Variants in FABP6 observed in about 807,000 individuals in gnomAD.
FABP6 encodes the protein fatty acid binding protein 6.
FABP6 carries 13 observed loss-of-function variants against 14.9 expected under a neutral mutation model. The ratio of observed to expected loss-of-function variants is 0.87; its 90% confidence interval spans 0.57 to 1.39. FABP6 has a LOEUF of 1.39. Ranked by LOEUF, FABP6 falls within the 40% of genes most tolerant of loss-of-function variation. The pLI is 0.00. For missense variants in FABP6, 161 were observed against 167.2 expected, an observed-to-expected ratio of 0.96 and a Z score of 0.20; for synonymous variants, 75 against 63.6, an observed-to-expected ratio of 1.18 and a Z score of -0.85.
upstream of FABP6, among the ~76,000 whole-genome samples, chr5:160,226,413 T>C (rs1349865751): frequency 6.6e-6 from 1 of 151,118 alleles, no homozygotes; most frequent in Non-Finnish European, 1.5e-5. Flanking sequence ...TACAGAAAAT[T>C]AGCCGGGCAT....
intron 2 of FABP6, among the ~76,000 whole-genome samples, chr5:160,202,518 C>T (rs746637529): frequency 6.6e-6 from 1 of 152,092 alleles, no homozygotes; most frequent in Non-Finnish European, 1.5e-5. Flanking sequence ...CTGGCTTGGC[C>T]GGGCGTGGTG....
At chr5:160,220,199 CA>C (rs1760101744) in intron 3 of FABP6, among the ~76,000 whole-genome samples, 1 of 152,210 alleles carries the variant, frequency 6.6e-6, no homozygotes, top group Non-Finnish European at 1.5e-5. Context: ...GTGAGAATAA[CA>C]GTAGATATCC....
At chr5:160,207,921 A>G (rs926205719) in intron 2 of FABP6, among the ~76,000 whole-genome samples, 3 of 152,000 alleles carry the variant, frequency 2.0e-5, no homozygotes, top group African/African-American at 2.4e-5. Context: ...ACGGAGTTTC[A>G]CCATGTTGGC....
intron 2 of FABP6, among the ~76,000 whole-genome samples, chr5:160,205,752 TGA>T (rs1008968476): frequency 1.3e-5 from 2 of 152,166 alleles, no homozygotes; most frequent in African/African-American, 4.8e-5. Context: ...TTCTGTAATG[TGA>T]GAGTGTGGGG....
intron 1 of FABP6, among the ~76,000 whole-genome samples, chr5:160,193,910 TG>T (rs56275841): frequency 0.058 from 8,831 of 152,312 alleles, 364 homozygotes; most frequent in Middle Eastern, 0.11. Context: ...CCTCAGCCCT[TG>T]GGCGGTCGAT....
At chr5:160,218,461 C>CTTTTTTT (rs10692189) in intron 3 of FABP6, among the ~76,000 whole-genome samples, 9 of 116,412 alleles carry the variant, frequency 7.7e-5, no homozygotes, top group Non-Finnish European at 1.2e-4. Flanking sequence ...TAGTCTTTGA[C>CTTTTTTT]TTTTTTTTTT....
intron 2 of FABP6, among the ~76,000 whole-genome samples, chr5:160,210,821 T>A (rs545771713): frequency 6.6e-6 from 1 of 152,236 alleles, no homozygotes; most frequent in Non-Finnish European, 1.5e-5. Context: ...ACGAGTGTCC[T>A]GCAGAATTAC....
chr5:160,232,120 A>G lies in FABP6; in HGVS notation c.90A>G (p.Glu30=), dbSNP rs1171986016. 1.2e-6 allele frequency: 2 copies of G among 1,613,946 alleles called. No individual in the cohort carries two copies. The highest frequency in any genetic ancestry group is 2.7e-5 in the African/African-American group (2 of 74,898). The change falls in exon 2 of 4, where the codon GAA becomes GAG. Residue 30 remains glutamate (E), a synonymous_variant. Coordinates refer to ENST00000402432, the MANE Select transcript of FABP6 (RefSeq NM_001445.3). ...KLLGISSDVI[E]KARNFKIVTE... is the part of the protein sequence containing the mutation. The stretch of plus-strand genomic sequence containing the variant: ...CAGGGATCTCCAGCGATGTAATCGA[A>G]AAGGCCCGCAACTTCAAGATCGTCA...
chr5:160,212,102 C>T lies in FABP6; in HGVS notation c.52-1634C>T, dbSNP rs534774119. On this transcript the variant is annotated intron_variant, in intron 2 of 6. Transcript: ENST00000393980. ...TCCTGGGTTCAAGCTATTCTCCTGC[C>T]TCAGCTTCCTGAGTAGCTGGGATTA... is the stretch of plus-strand genomic sequence containing the variant. Among the ~76,000 whole-genome samples, 38 of 151,838 alleles carry T rather than the reference C, an allele frequency of 2.5e-4. No individual in the cohort carries two copies. In the South Asian group the frequency reaches 7.9e-3, roughly 32 times the overall value.
intron 2 of FABP6, chr5:160,213,620 C>T: frequency 2.4e-6 from 2 of 827,626 alleles, no homozygotes; most frequent in Non-Finnish European, 4.1e-6. Context: ...GTTTCCATTG[C>T]TTGCAATTAA....
chr5:160,188,794 C>T (rs1393055668), intron 1 of FABP6, among the ~76,000 whole-genome samples: 1 of 152,198 alleles, frequency 6.6e-6, no homozygotes, highest in Non-Finnish European at 1.5e-5. Context: ...CTGCAAGGCC[C>T]CTCCCGGTTG....
At chr5:160,216,858 C>A (rs552042527) in intron 3 of FABP6, among the ~76,000 whole-genome samples, 16 of 152,154 alleles carry the variant, frequency 1.1e-4, no homozygotes, top group Non-Finnish European at 8.8e-5. Context: ...GGGTCATTCA[C>A]TAAGTACCAA....
upstream of FABP6, chr5:160,229,436 G>A (rs1760319109): frequency 3.2e-6 from 5 of 1,550,358 alleles, no homozygotes; most frequent in African/African-American, 2.7e-5. Context: ...GGGAGAAGAA[G>A]TGGGGTGACT....
intron 2 of FABP6, among the ~76,000 whole-genome samples, chr5:160,211,733 T>C (rs1759894803): frequency 6.6e-6 from 1 of 152,192 alleles, no homozygotes; most frequent in Non-Finnish European, 1.5e-5. Flanking sequence ...TCCATACGTT[T>C]CCAAAAATTT....
At chr5:160,192,876 C>T (rs181206161) in intron 1 of FABP6, among the ~76,000 whole-genome samples, 3 of 152,364 alleles carry the variant, frequency 2.0e-5, no homozygotes, top group Admixed American at 6.5e-5. Flanking sequence ...CTTTGGGAGG[C>T]TGAGGTGGGA....
At chr5:160,191,830 A>G (rs28427530) in intron 1 of FABP6, among the ~76,000 whole-genome samples, 116,436 of 149,370 alleles carry the variant, frequency 0.78, 45,397 homozygotes, top group East Asian at 0.92. Flanking sequence ...AAAATTAGCC[A>G]GGCATGGTGG....
At chr5:160,211,396 G>A (rs144519176) in intron 2 of FABP6, among the ~76,000 whole-genome samples, 18 of 152,214 alleles carry the variant, frequency 1.2e-4, no homozygotes, top group African/African-American at 3.6e-4. Context: ...TGCTTGCTAG[G>A]TGCTGGCCCC....
At chr5:160,209,945 A>T (rs1240597339) in intron 2 of FABP6, among the ~76,000 whole-genome samples, 1 of 152,190 alleles carries the variant, frequency 6.6e-6, no homozygotes, top group African/African-American at 2.4e-5. Context: ...TAATAAGAAA[A>T]TTTCAGGAAG....
At chr5:160,206,351 C>T (rs1759765529) in intron 2 of FABP6, among the ~76,000 whole-genome samples, 1 of 152,092 alleles carries the variant, frequency 6.6e-6, no homozygotes, top group South Asian at 2.1e-4. Flanking sequence ...TCGCTTGAAC[C>T]CGGGAGGCAG....
Sources: gnomAD v4.1 joint callset for allele counts (sites outside exome capture counted in the v4.1 genomes callset) on GRCh38, gnomAD v4.1.1 for gene constraint, MANE v1.5 for transcripts, NCBI Gene and HGNC (gene_info 2026-07-23, HGNC 2026-07-21) for gene names.